Variants in NCAPH2 observed in about 807,000 individuals in gnomAD.
The protein encoded by NCAPH2 is condensin-2 complex subunit H2.
NCAPH2 carries 56 observed loss-of-function variants against 88.6 expected under a neutral mutation model. The ratio of observed to expected loss-of-function variants is 0.63; its 90% confidence interval spans 0.51 to 0.79. The LOEUF is 0.79. Ranked by LOEUF, NCAPH2 falls within the 30% of genes least tolerant of loss-of-function variation. The pLI is 0.00. For missense variants in NCAPH2, 794 were observed against 792.0 expected, an observed-to-expected ratio of 1.00 and a Z score of -0.03; for synonymous variants, 378 against 313.6, an observed-to-expected ratio of 1.21 and a Z score of -2.17.
At position 50,521,745 on chromosome 22, in the gene NCAPH2, G is replaced by A. The variant is rs371795590; in HGVS notation, c.1005G>A (p.Arg335=). 8.1e-6 allele frequency: 13 copies of A among 1,613,820 alleles called. No homozygotes were observed. The highest frequency in any genetic ancestry group is 1.3e-5 in the African/African-American group (1 of 74,942). ...ACAGTCCCTGTTTGCCCCCAGGTAG[G>A]CCTTACTCTGTGCCCCCCTGTGTGG... is the stretch of plus-strand genomic sequence containing the variant. ...SLESKPFKKG[R]PYSVPPCVEE... is the part of the protein sequence containing the mutation. Residue 335 remains arginine, a synonymous_variant, in exon 12 of 20, where the codon AGG becomes AGA. Transcript: ENST00000420993.
chr22:50,519,848 A>G (rs1569520863), intron 9 of NCAPH2: 1 of 797,606 alleles, frequency 1.3e-6, no homozygotes, highest in Non-Finnish European at 1.5e-6. Flanking sequence ...TTTGAAGAAG[A>G]GTACCCCGTG....
chr22:50,510,010 C>T (rs1370649984), intron 1 of NCAPH2, among the ~76,000 whole-genome samples: 2 of 152,180 alleles, frequency 1.3e-5, no homozygotes, highest in Non-Finnish European at 2.9e-5. Flanking sequence ...CTGCAAGCTC[C>T]GCCTCCTGGG....
At position 50,518,288 on chromosome 22, in the gene NCAPH2, T is replaced by A; in HGVS notation, c.646+10T>A. 1 of 1,610,886 alleles carries A rather than the reference T, an allele frequency of 6.2e-7. No individual in the cohort carries two copies. The highest frequency in any genetic ancestry group is 8.5e-7 in the Non-Finnish European group (1 of 1,179,138). On this transcript the variant is annotated intron_variant, in intron 7 of 19. Transcript: ENST00000420993. ...CCAGGGACCCAGAAGGGTGAGGGCT[T>A]GGATGCGGGGGGCTTGGTGGGAAGG...
chr22:50,524,021 T>A lies in NCAPH2; in HGVS notation c.*646T>A, dbSNP rs2069210487. ...TCTGGGCAGATGTCAGGGCAGTGAG[T>A]GAAGCCAAAGTACATCAGCACCCAC... On this transcript the variant is annotated 3_prime_UTR_variant, in exon 20 of 20. Transcript: ENST00000420993. 1 of 1,613,336 alleles carries A rather than the reference T, an allele frequency of 6.2e-7. No homozygotes were observed. The highest frequency in any genetic ancestry group is 8.5e-7 in the Non-Finnish European group (1 of 1,180,008).
At position 50,518,513 on chromosome 22, in the gene NCAPH2, C is replaced by CT. The variant is rs531220882; in HGVS notation, c.647-135dup. 5.8e-4 allele frequency: 614 copies of CT among 1,061,274 alleles called. 10 individuals carry two copies. The East Asian group carries it at 0.012, about 20-fold the overall frequency. The allele number at this position is 1,061,274 out of a possible 1,614,324, so 65.7% of individuals were successfully genotyped here. ...GGTGCCTGGCTCAGGGCCCTGCTGT[C>CT]TCCCCCCAGCCCAAGGCCTGGAGTC... On this transcript the variant is annotated intron_variant, in intron 7 of 19. Transcript: ENST00000420993.
chr22:50,513,313 G>C (rs6009978), intron 1 of NCAPH2, among the ~76,000 whole-genome samples: 19,748 of 144,090 alleles, frequency 0.14, 3,210 homozygotes, highest in African/African-American at 0.4. Flanking sequence ...GATCCCAGCA[G>C]TTTGGGGGGC....
At chr22:50,509,307 A>G (rs1433566927) in intron 1 of NCAPH2, among the ~76,000 whole-genome samples, 2 of 152,162 alleles carry the variant, frequency 1.3e-5, no homozygotes, top group Non-Finnish European at 2.9e-5. Flanking sequence ...TCTACTTTAC[A>G]TATCCAGCTG....
chr22:50,518,065 GC>G lies in NCAPH2; in HGVS notation c.500+16del. ...ATCCCCTGTACAGGTAGGGATCTGAGCCCAGCGACGGGGAGGGAGGCCTGCC... is the reference window on the plus strand; with the variant it reads ...ATCCCCTGTACAGGTAGGGATCTGAGCCAGCGACGGGGAGGGAGGCCTGCC... On this transcript the variant is annotated intron_variant, in intron 6 of 19. Transcript: ENST00000420993. 1.2e-6 allele frequency: 2 copies of G among 1,613,792 alleles called. No individual in the cohort carries two copies. Among genetic ancestry groups the G allele is most frequent in the Non-Finnish European group, 1.7e-6 (2 of 1,179,812 alleles).
intron 17 of NCAPH2, 32 bp downstream of exon 17, chr22:50,522,752 G>A: frequency 6.2e-7 from 1 of 1,612,710 alleles, no homozygotes; most frequent in Non-Finnish European, 8.5e-7. Context: ...ACGGGGAGGG[G>A]AGGGGGACAG....
In NCAPH2 at chr22:50,508,355, G is replaced by A; in HGVS notation, c.18G>A (p.Ala6=). Residue 6 remains alanine, a synonymous_variant, in exon 1 of 20, where the codon GCG becomes GCA. Transcript: ENST00000420993. MEDVE[A]RFAHLLQPIR... ...TCCCGGACATGGAGGACGTGGAGGC[G>A]CGCTTCGCCCACCTCTTGCAGCCCA... The A allele has an allele frequency of 2.0e-6, 3 of 1,482,302 alleles. No individual in the cohort carries two copies. The highest frequency in any genetic ancestry group is 2.7e-6 in the Non-Finnish European group (3 of 1,120,590). The allele number at this position is 1,482,302 out of a possible 1,614,324, so 91.8% of individuals were successfully genotyped here.
chr22:50,512,549 T>C lies in NCAPH2; in HGVS notation c.109-3898T>C, dbSNP rs6010130. Among the ~76,000 whole-genome samples the C allele has an allele frequency of 4.4e-3, 659 of 150,530 alleles. 6 individuals carry two copies. The highest frequency in any genetic ancestry group is 0.016 in the African/African-American group (641 of 40,566). On this transcript the variant is annotated intron_variant, in intron 1 of 19. Transcript: ENST00000420993. Reference sequence around the variant, plus strand: ...TTTCTTTTTTTTGTCCTTTGTTTTTTTTTTTTTGTTTTTTTTTTTTAGATA... The same window carrying C: ...TTTCTTTTTTTTGTCCTTTGTTTTTCTTTTTTTGTTTTTTTTTTTTAGATA...
intron 15 of NCAPH2, 26 bp from the exon 16 acceptor site, chr22:50,522,475 C>T (rs754382207): frequency 6.2e-7 from 1 of 1,613,600 alleles, no homozygotes; most frequent in Non-Finnish European, 8.5e-7. Flanking sequence ...TGCCTGCGTG[C>T]TGTTCACTCT....
In NCAPH2 at chr22:50,518,647, A is replaced by G; in HGVS notation, c.647-2A>G. 6.2e-7 allele frequency: 1 copy of G among 1,604,736 alleles called. No individual in the cohort carries two copies. Among genetic ancestry groups the G allele is most frequent in the Non-Finnish European group, 8.5e-7 (1 of 1,176,980 alleles). ...ACCTTGTCTGATCCCTGTCTCTCCC[A>G]GACACCGGGAGGACTGAGGAGCAGC... On this transcript the variant is annotated splice_acceptor_variant, in intron 7 of 19. Coordinates refer to ENST00000420993, the MANE Select transcript of NCAPH2 (RefSeq NM_152299.4). LOFTEE classifies it high-confidence loss of function.
In NCAPH2 at chr22:50,517,822, C is replaced by T; in HGVS notation, c.420+13C>T. 6.2e-7 allele frequency: 1 copy of T among 1,613,542 alleles called. No homozygotes were observed. Among genetic ancestry groups the T allele is most frequent in the East Asian group, 2.2e-5 (1 of 44,860 alleles). ...TCAGACGCCCAGTGTGAGTCCTGGC[C>T]TGGCCCCTCTTAGGCTGGGGTGAGG... is the stretch of plus-strand genomic sequence containing the variant. On this transcript the variant is annotated intron_variant, in intron 5 of 19. Coordinates refer to ENST00000420993, the MANE Select transcript of NCAPH2 (RefSeq NM_152299.4).
rs1335044754 is a variant in NCAPH2, at chr22:50,522,335, C to T, written c.1234-8C>T. 1.2e-6 allele frequency: 2 copies of T among 1,603,900 alleles called. No homozygotes were observed. The highest frequency in any genetic ancestry group is 3.4e-5 in the Admixed American group (2 of 59,494). ...ACAGTGCCCCTCACAGATGCTTTCT[C>T]TGGACAGGTGGCTGAGCAGTGGCTG... On this transcript the variant is annotated splice_region_variant and splice_polypyrimidine_tract_variant and intron_variant, in intron 14 of 19. Coordinates refer to ENST00000420993, the MANE Select transcript of NCAPH2 (RefSeq NM_152299.4).
At position 50,524,177 on chromosome 22, in the gene NCAPH2, TCA is replaced by T. The variant is rs2069220686; in HGVS notation, c.*803_*804del. On this transcript the variant is annotated 3_prime_UTR_variant, in exon 20 of 20. Transcript: ENST00000420993. ...TGCTGCAGCCTCTCCTTCTCAGCCCTCAGGGCCAGCCAGGCCCCACCGAGTCC... is the reference window on the plus strand; with the variant it reads ...TGCTGCAGCCTCTCCTTCTCAGCCCTGGGCCAGCCAGGCCCCACCGAGTCC... The T allele has an allele frequency of 3.7e-6, 6 of 1,609,660 alleles. No individual in the cohort carries two copies. The highest frequency in any genetic ancestry group is 4.2e-6 in the Non-Finnish European group (5 of 1,179,932).
chr22:50,523,738 G>T lies in NCAPH2; in HGVS notation c.*363G>T, dbSNP rs80358232. 1 of 1,614,196 alleles carries T rather than the reference G, an allele frequency of 6.2e-7. No individual in the cohort carries two copies. Among genetic ancestry groups the T allele is most frequent in the Non-Finnish European group, 8.5e-7 (1 of 1,180,020 alleles). ...AGGGTTGAGCAGGTAGATGGCAATG[G>T]AGTGGTCCACGATGTAGTCCTGGTC... is the stretch of plus-strand genomic sequence containing the variant. On this transcript the variant is annotated 3_prime_UTR_variant, in exon 20 of 20. Coordinates refer to ENST00000420993, the MANE Select transcript of NCAPH2 (RefSeq NM_152299.4).
chr22:50,524,322 G>A lies in NCAPH2; in HGVS notation c.*947G>A. 1 of 1,601,920 alleles carries A rather than the reference G, an allele frequency of 6.2e-7. No homozygotes were observed. Among genetic ancestry groups the A allele is most frequent in the Non-Finnish European group, 8.5e-7 (1 of 1,179,902 alleles). On this transcript the variant is annotated 3_prime_UTR_variant, in exon 20 of 20. Transcript: ENST00000420993. The stretch of plus-strand genomic sequence containing the variant: ...ACAAAAGCCAGGACCTCAGATGCAG[G>A]GCCTGGCCTCCCAGGGTCCCAGGGA...
rs748702620 is a variant in NCAPH2 at position 50,522,832 on chromosome 22, C to G, written c.1437C>G (p.Ile479Met). The change falls in exon 18 of 20, where the codon ATC becomes ATG. Residue 479 changes from isoleucine to methionine, a missense_variant. Ile to Met is a conservative substitution (Grantham distance 10). This residue lies in a region of NCAPH2 where 735 missense variants were observed against 696.3 expected (regional missense o/e 1.06). Transcript: ENST00000420993. ...TGATCCTCCCCTAGGAGCTCTTCAT[C>G]GCCACCTCCCAGAAGTTTGTCCAGG... ...ELVRRNVELF[I>M]ATSQKFVQET... is the part of the protein sequence containing the mutation. 1 of 1,613,304 alleles carries G rather than the reference C, an allele frequency of 6.2e-7. No homozygotes were observed. The highest frequency in any genetic ancestry group is 8.5e-7 in the Non-Finnish European group (1 of 1,179,932).
Sources: gnomAD v4.1 joint callset for allele counts (sites outside exome capture counted in the v4.1 genomes callset) on GRCh38, gnomAD v4.1.1 for gene constraint, gnomAD v4.1.1 regional missense constraint, MANE v1.5 for transcripts, NCBI Gene and HGNC (gene_info 2026-07-23, HGNC 2026-07-21) for gene names.